The following ZNF385D variants were observed in gnomAD, a reference collection of about 807,000 sequenced individuals.
ZNF385D encodes the protein zinc finger protein 385D.
In ZNF385D, 15 loss-of-function variants were observed where a neutral mutation model predicts 35.8. That is an observed-to-expected ratio of 0.42 (90% CI 0.28 to 0.64). The LOEUF (loss-of-function observed/expected upper bound fraction) is 0.64. Ranked by LOEUF, ZNF385D falls within the 30% of genes least tolerant of loss-of-function variation. ZNF385D has a pLI of 0.23. For missense variants in ZNF385D, 474 were observed against 494.6 expected (o/e 0.96, Z 0.39); for synonymous variants, 212 against 186.8 (o/e 1.13, Z -1.10).
At chr3:22,157,284 T>C (rs1206300596) in intron 3 of ZNF385D, among the ~76,000 whole-genome samples, 2 of 152,162 alleles carry the variant, frequency 1.3e-5, no homozygotes, top group African/African-American at 4.8e-5. Context: ...ACATTAATTA[T>C]ACACAGAATT....
At chr3:21,468,986 A>C (rs775430118) in intron 4 of ZNF385D, among the ~76,000 whole-genome samples, 3 of 152,158 alleles carry the variant, frequency 2.0e-5, no homozygotes, top group African/African-American at 4.8e-5. Flanking sequence ...AAGGAAAAAC[A>C]AAGGTACTGT....
chr3:21,995,107 T>C (rs1695378980), intron 3 of ZNF385D, among the ~76,000 whole-genome samples: 1 of 152,212 alleles, frequency 6.6e-6, no homozygotes, highest in Non-Finnish European at 1.5e-5. Flanking sequence ...GTGCATGACA[T>C]CATTTATATC....
intron 4 of ZNF385D, among the ~76,000 whole-genome samples, chr3:21,462,706 G>C (rs1703250535): frequency 6.6e-6 from 1 of 152,220 alleles, no homozygotes. Flanking sequence ...CATTGGCCAG[G>C]CACGGTGGCT....
chr3:22,251,966 C>T (rs956739835), intron 2 of ZNF385D, among the ~76,000 whole-genome samples: 2 of 152,054 alleles, frequency 1.3e-5, no homozygotes, highest in African/African-American at 4.8e-5. Context: ...TTGCAAAGTG[C>T]TTAGCTTAGT....
intron 3 of ZNF385D, among the ~76,000 whole-genome samples, chr3:22,162,404 C>G (rs150243273): frequency 1.5e-4 from 23 of 152,066 alleles, no homozygotes; most frequent in Admixed American, 4.6e-4. Context: ...CTCTGAAGCC[C>G]CCCTTATCTG....
chr3:22,371,723 C>T (rs1240478270), intron 2 of ZNF385D, among the ~76,000 whole-genome samples: 2 of 152,138 alleles, frequency 1.3e-5, no homozygotes, highest in African/African-American at 4.8e-5. Flanking sequence ...ATTTGCTCCT[C>T]CAGGTACTCA....
intron 3 of ZNF385D, among the ~76,000 whole-genome samples, chr3:21,917,348 C>T (rs1700239681): frequency 6.6e-6 from 1 of 152,092 alleles, no homozygotes; most frequent in Non-Finnish European, 1.5e-5. Context: ...AAGAGAATCG[C>T]TTGAACTCAG....
intron 3 of ZNF385D, among the ~76,000 whole-genome samples, chr3:21,776,702 A>G (rs933067962): frequency 2.6e-5 from 4 of 151,984 alleles, no homozygotes; most frequent in African/African-American, 9.7e-5. Flanking sequence ...AGCATCAGCA[A>G]TTATCATAAA....
At chr3:22,316,312 C>T (rs561599828) in intron 2 of ZNF385D, among the ~76,000 whole-genome samples, 16 of 152,252 alleles carry the variant, frequency 1.1e-4, no homozygotes, top group South Asian at 6.2e-4. Context: ...CTTGGCTGGC[C>T]TTGTGTTAAT....
intron 3 of ZNF385D, among the ~76,000 whole-genome samples, chr3:22,006,963 G>C (rs1696249787): frequency 6.6e-6 from 1 of 152,106 alleles, no homozygotes; most frequent in South Asian, 2.1e-4. Flanking sequence ...ATTTAATATA[G>C]ACATCAAGGC....
At chr3:21,812,979 C>A (rs1028102555) in intron 3 of ZNF385D, among the ~76,000 whole-genome samples, 1 of 152,092 alleles carries the variant, frequency 6.6e-6, no homozygotes, top group Non-Finnish European at 1.5e-5. Flanking sequence ...CAGCTGGGTG[C>A]GCCTCTGAGA....
chr3:21,742,365 A>G (rs2069557749), intron 1 of ZNF385D, among the ~76,000 whole-genome samples: 2 of 152,160 alleles, frequency 1.3e-5, no homozygotes, highest in African/African-American at 4.8e-5. Flanking sequence ...CCAAACTCTT[A>G]CTGATACTTG....
At chr3:21,775,462 C>A (rs1180385607) in intron 3 of ZNF385D, among the ~76,000 whole-genome samples, 1 of 151,802 alleles carries the variant, frequency 6.6e-6, no homozygotes, top group Non-Finnish European at 1.5e-5. Flanking sequence ...TTGGAAAGTA[C>A]TGCTTTTATT....
chr3:21,477,503 G>A (rs1259641515), intron 4 of ZNF385D, among the ~76,000 whole-genome samples: 2 of 152,058 alleles, frequency 1.3e-5, no homozygotes, highest in Non-Finnish European at 2.9e-5. Context: ...GAATAATTTA[G>A]CAAAGATCTC....
intron 2 of ZNF385D, among the ~76,000 whole-genome samples, chr3:22,247,874 A>C (rs1007065974): frequency 1.3e-5 from 2 of 152,090 alleles, no homozygotes; most frequent in African/African-American, 4.8e-5. Flanking sequence ...AAGTCCTGGG[A>C]TCATAGGGGT....
At chr3:22,003,692 C>T (rs762276078) in intron 3 of ZNF385D, among the ~76,000 whole-genome samples, 1 of 151,896 alleles carries the variant, frequency 6.6e-6, no homozygotes, top group Non-Finnish European at 1.5e-5. Flanking sequence ...CATGATGAAA[C>T]CATGTCTCTA....
chr3:21,742,546 C>T (rs996741884), intron 1 of ZNF385D, among the ~76,000 whole-genome samples: 1 of 152,162 alleles, frequency 6.6e-6, no homozygotes, highest in Admixed American at 6.5e-5. Context: ...CCACCTCAGT[C>T]GGCCTCGGCT....
intron 3 of ZNF385D, among the ~76,000 whole-genome samples, chr3:21,797,801 A>C (rs1167497086): frequency 6.6e-6 from 1 of 152,158 alleles, no homozygotes; most frequent in Non-Finnish European, 1.5e-5. Flanking sequence ...GAAAAGGAAA[A>C]ACTATGGAGA....
At chr3:21,931,950 A>G (rs914324346) in intron 3 of ZNF385D, among the ~76,000 whole-genome samples, 3 of 151,888 alleles carry the variant, frequency 2.0e-5, no homozygotes, top group African/African-American at 7.2e-5. Flanking sequence ...TCACGAGGTC[A>G]TGAGATCAAG....
Sources: allele counts gnomAD v4.1 joint callset (sites outside exome capture counted in the v4.1 genomes callset), GRCh38; gene constraint gnomAD v4.1.1; transcripts MANE v1.5; gene names NCBI Gene and HGNC (gene_info 2026-07-23, HGNC 2026-07-21).